The following GNG7 variants were observed in gnomAD, a reference collection of about 807,000 sequenced individuals.
The protein encoded by GNG7 is guanine nucleotide-binding protein G(I)/G(S)/G(O) subunit gamma-7.
GNG7 carries 1 observed loss-of-function variant against 4.0 expected under a neutral mutation model. The ratio of observed to expected loss-of-function variants is 0.25; its 90% confidence interval spans 0.09 to 1.18. The LOEUF (loss-of-function observed/expected upper bound fraction) is 1.18, where lower values mean the gene tolerates loss of function less well. Among genes scored for constraint, GNG7 ranks in the 50% most tolerant of loss-of-function variants. The pLI is 0.50. For synonymous variants in GNG7, 34 were observed against 36.9 expected (o/e 0.92, Z 0.29); for missense variants, 86 against 91.9 (o/e 0.94, Z 0.26).
chr19:2,636,215 G>T (rs1256691470), intron 2 of GNG7, among the ~76,000 whole-genome samples: 3 of 151,906 alleles, frequency 2.0e-5, no homozygotes, highest in Non-Finnish European at 4.4e-5. Flanking sequence ...CTCCCACTCA[G>T]GGGGTGGATG....
intron 3 of GNG7, among the ~76,000 whole-genome samples, chr19:2,539,535 A>C (rs1434081817): frequency 2.0e-5 from 3 of 151,502 alleles, no homozygotes; most frequent in African/African-American, 7.3e-5. Flanking sequence ...GAACTCCTGA[A>C]CTCAGGTGAT....
At chr19:2,610,357 TA>T (rs1981524372) in intron 2 of GNG7, 1 of 38,322 alleles carries the variant, frequency 2.6e-5, no homozygotes, top group Non-Finnish European at 6.7e-5. Flanking sequence ...TATTTATTAT[TA>T]CTTTTTTAAG....
intron 2 of GNG7, among the ~76,000 whole-genome samples, chr19:2,608,024 G>GAGATAAGA (rs1981443567): frequency 6.7e-6 from 1 of 148,514 alleles, no homozygotes; most frequent in Non-Finnish European, 1.5e-5. Flanking sequence ...CTCTTTGAGG[G>GAGATAAGA]AGATCAGAAG....
chr19:2,521,492 C>T (rs556084311), intron 3 of GNG7, among the ~76,000 whole-genome samples: 2 of 152,130 alleles, frequency 1.3e-5, no homozygotes, highest in South Asian at 4.1e-4. Flanking sequence ...CAGCTCCCTG[C>T]AGTGCCCCGG....
chr19:2,576,429 G>A (rs1437976525), intron 2 of GNG7, among the ~76,000 whole-genome samples: 1 of 152,250 alleles, frequency 6.6e-6, no homozygotes, highest in Non-Finnish European at 1.5e-5. Flanking sequence ...GGGAGGACAG[G>A]GCGGGCCGCG....
intron 3 of GNG7, among the ~76,000 whole-genome samples, chr19:2,545,069 C>T (rs879385941): frequency 6.6e-6 from 1 of 152,156 alleles, no homozygotes; most frequent in East Asian, 1.9e-4. Context: ...CTCCTGGGAC[C>T]TCAGCACAGC....
chr19:2,544,080 G>A (rs1404887287), intron 3 of GNG7, among the ~76,000 whole-genome samples: 1 of 152,182 alleles, frequency 6.6e-6, no homozygotes, highest in Non-Finnish European at 1.5e-5. Flanking sequence ...GGCAGGAGGG[G>A]AGACAATGCT....
intron 2 of GNG7, among the ~76,000 whole-genome samples, chr19:2,572,510 C>A (rs1980178799): frequency 6.6e-6 from 1 of 151,954 alleles, no homozygotes; most frequent in Non-Finnish European, 1.5e-5. Flanking sequence ...CGGCTCACTG[C>A]AACCTCTGCC....
chr19:2,680,086 G>A (rs1983692185), intron 1 of GNG7, among the ~76,000 whole-genome samples: 1 of 151,908 alleles, frequency 6.6e-6, no homozygotes, highest in African/African-American at 2.4e-5. Context: ...ACCGAGGAGG[G>A]AGGATCGCTT....
intron 3 of GNG7, chr19:2,538,270 A>G (rs1277926751): frequency 6.6e-6 from 3 of 456,544 alleles, no homozygotes; most frequent in African/African-American, 2.0e-5. Context: ...CAGTCTGCTG[A>G]GAATGAAACC....
Position 2,617,724 on chromosome 19 carries a change from T to TA in GNG7, c.-78+28499_-78+28500insT, listed in dbSNP as rs371366880. 2.3e-3 allele frequency among the ~76,000 whole-genome samples: 341 copies of TA among 146,390 alleles called. 4 individuals are homozygous for TA. Among genetic ancestry groups the TA allele is most frequent in the African/African-American group, 8.0e-3 (317 of 39,870 alleles). ...TCCTATTTTGTCTTTTCCTTTTTAT[T>TA]TTTTTTTTTTTTGAGATAGGGTCTT... On this transcript the variant is annotated intron_variant, in intron 2 of 4. Coordinates refer to ENST00000382159, the MANE Select transcript of GNG7 (RefSeq NM_052847.3). This position sits in a 1 kb window ranked among gnomAD's most constrained non-coding sequence, Gnocchi z 4.7.
intron 1 of GNG7, among the ~76,000 whole-genome samples, chr19:2,696,500 C>G (rs1913269020): frequency 6.6e-6 from 1 of 152,178 alleles, no homozygotes; most frequent in Non-Finnish European, 1.5e-5. Context: ...CTGCCTGTGC[C>G]CAGGAAAAAG....
At chr19:2,673,267 AC>A (rs144138304) in intron 1 of GNG7, among the ~76,000 whole-genome samples, 23,680 of 135,714 alleles carry the variant, frequency 0.17, 3,723 homozygotes, top group African/African-American at 0.43. Flanking sequence ...CAAAAAAAAA[AC>A]AAAACAAAAC....
chr19:2,669,740 C>T (rs113236345), intron 1 of GNG7, among the ~76,000 whole-genome samples: 3,613 of 151,802 alleles, frequency 0.024, 149 homozygotes, highest in African/African-American at 0.083. Context: ...CTGGGTGCAG[C>T]GGCTCATGCC....
Position 2,514,390 on chromosome 19 carries a change from A to G in GNG7, c.*632T>C, listed in dbSNP as rs112501431. Reference sequence around the variant, plus strand: ...AGCCCCCTCCAGACCCCCACACTCCATCGTGCATTCATTGCAGGATCGTGC... The same window carrying G: ...AGCCCCCTCCAGACCCCCACACTCCGTCGTGCATTCATTGCAGGATCGTGC... On this transcript the variant is annotated 3_prime_UTR_variant, in exon 5 of 5. Coordinates refer to ENST00000382159, the MANE Select transcript of GNG7 (RefSeq NM_052847.3). The G allele has an allele frequency of 0.016, 2,458 of 152,832 alleles. 39 individuals are homozygous for G. The highest frequency in any genetic ancestry group is 0.057 in the Middle Eastern group (17 of 296). The allele number at this position is 152,832 out of a possible 1,614,324, so 9.5% of individuals were successfully genotyped here.
At chr19:2,699,675 C>T (rs1221287674) in intron 1 of GNG7, among the ~76,000 whole-genome samples, 2 of 152,142 alleles carry the variant, frequency 1.3e-5, no homozygotes, top group South Asian at 2.1e-4. Context: ...GGGTGATATC[C>T]GGAGACATCT....
intron 1 of GNG7, among the ~76,000 whole-genome samples, chr19:2,669,839 G>A (rs1025603877): frequency 1.6e-4 from 25 of 151,582 alleles, no homozygotes; most frequent in Non-Finnish European, 3.4e-4. Context: ...GTGAAACCCC[G>A]TCTCTACTAA....
intron 2 of GNG7, among the ~76,000 whole-genome samples, chr19:2,572,418 C>T (rs112401442): frequency 0.073 from 11,100 of 151,972 alleles, 514 homozygotes; most frequent in East Asian, 0.16. Context: ...ATCAACACTA[C>T]GTAGTTCCAA....
chr19:2,642,730 G>A (rs1040418590), intron 2 of GNG7: 4 of 451,154 alleles, frequency 8.9e-6, no homozygotes, highest in Non-Finnish European at 1.3e-5. Flanking sequence ...CTGGGCTCAA[G>A]CCATCCTCCT....
Sources: gnomAD v4.1 joint callset for allele counts (sites outside exome capture counted in the v4.1 genomes callset) on GRCh38, gnomAD v4.1.1 for gene constraint, Gnocchi (gnomAD v3.1) non-coding constraint, MANE v1.5 for transcripts, NCBI Gene and HGNC (gene_info 2026-07-23, HGNC 2026-07-21) for gene names.